The following GABRB2 variants were observed in gnomAD, a reference collection of about 807,000 sequenced individuals.
GABRB2 encodes the protein gamma-aminobutyric acid type A receptor subunit beta2, also known as gamma-aminobutyric acid receptor subunit beta-2.
In GABRB2, 16 loss-of-function variants were observed where a neutral mutation model predicts 54.7. That is an observed-to-expected ratio of 0.29 (90% CI 0.20 to 0.44). The LOEUF is 0.44. Among genes scored for constraint, GABRB2 ranks in the 20% least tolerant of loss-of-function variants. GABRB2 has a pLI of 1.00. For missense variants in GABRB2, 355 were observed against 644.0 expected (o/e 0.55, Z 4.86); for synonymous variants, 244 against 233.8 (o/e 1.04, Z -0.40).
intron 9 of GABRB2, among the ~76,000 whole-genome samples, chr5:161,322,702 T>C (rs1484837275): frequency 2.0e-5 from 3 of 152,216 alleles, no homozygotes; most frequent in South Asian, 2.1e-4. Context: ...AAAAGATTTT[T>C]ATCCATACAA....
At chr5:161,337,413 C>A (rs1221197258) in intron 5 of GABRB2, among the ~76,000 whole-genome samples, 1 of 152,062 alleles carries the variant, frequency 6.6e-6, no homozygotes, top group African/African-American at 2.4e-5. Context: ...CAGAAAAACT[C>A]AAAACAACAT....
At chr5:161,441,353 AT>A (rs1757460458) in intron 4 of GABRB2, among the ~76,000 whole-genome samples, 1 of 152,226 alleles carries the variant, frequency 6.6e-6, no homozygotes, top group Non-Finnish European at 1.5e-5. Context: ...ATATAAAAAG[AT>A]TCTCAACATC....
intron 3 of GABRB2, among the ~76,000 whole-genome samples, chr5:161,470,554 T>C (rs762940097): frequency 2.2e-4 from 34 of 151,946 alleles, no homozygotes; most frequent in African/African-American, 8.0e-4. Context: ...AATGTGATAC[T>C]GTGATAGCTG....
intron 3 of GABRB2, among the ~76,000 whole-genome samples, chr5:161,526,413 A>C (rs1760282389): frequency 6.6e-6 from 1 of 151,458 alleles, no homozygotes; most frequent in Non-Finnish European, 1.5e-5. Context: ...ACTATCACAC[A>C]CATTGTGTCA....
intron 5 of GABRB2, among the ~76,000 whole-genome samples, chr5:161,345,674 T>C (rs1353051145): frequency 6.6e-6 from 1 of 152,082 alleles, no homozygotes; most frequent in Non-Finnish European, 1.5e-5. Flanking sequence ...TAAGGTGGAA[T>C]TGTTCTCTCT....
At chr5:161,382,350 G>A (rs769564927) in intron 5 of GABRB2, among the ~76,000 whole-genome samples, 1 of 152,124 alleles carries the variant, frequency 6.6e-6, no homozygotes, top group Admixed American at 6.6e-5. Flanking sequence ...TCAGACTGAG[G>A]GGGTACAGAA....
At chr5:161,321,578 C>T (rs532455366) in intron 9 of GABRB2, among the ~76,000 whole-genome samples, 1 of 152,242 alleles carries the variant, frequency 6.6e-6, no homozygotes, top group South Asian at 2.1e-4. Context: ...CTCACAGAAG[C>T]TATTCCTTAA....
At chr5:161,403,599 G>A (rs764793066) in intron 5 of GABRB2, among the ~76,000 whole-genome samples, 8 of 152,074 alleles carry the variant, frequency 5.3e-5, no homozygotes, top group Admixed American at 2.0e-4. Context: ...AGCACACATC[G>A]TCACAAAAAG....
chr5:161,474,597 C>T (rs569469933), intron 3 of GABRB2, among the ~76,000 whole-genome samples: 36 of 152,036 alleles, frequency 2.4e-4, no homozygotes, highest in Admixed American at 8.5e-4. Context: ...AGAAGAAACA[C>T]ATTTTCAGAA....
chr5:161,461,220 G>C (rs530748741), intron 3 of GABRB2, among the ~76,000 whole-genome samples: 2 of 152,244 alleles, frequency 1.3e-5, no homozygotes, highest in African/African-American at 4.8e-5. Flanking sequence ...CAGAAAAGGC[G>C]ACATGTACAC....
chr5:161,497,074 T>C (rs1759273115), intron 3 of GABRB2, among the ~76,000 whole-genome samples: 1 of 152,164 alleles, frequency 6.6e-6, no homozygotes, highest in South Asian at 2.1e-4. Context: ...AGAAGTTTTG[T>C]ATTTTAGGTA....
chr5:161,474,458 A>G lies in GABRB2; in HGVS notation c.238-14614T>C, dbSNP rs1344059549. On this transcript the variant is annotated intron_variant, in intron 3 of 9. Transcript: ENST00000393959. Reference sequence around the variant, plus strand: ...TGAACTAGAGAATTTTCTTTGTTACATTTTAATTTAAGAAAAATATCATAA... The same window carrying G: ...TGAACTAGAGAATTTTCTTTGTTACGTTTTAATTTAAGAAAAATATCATAA... Among the ~76,000 whole-genome samples, 3 of 151,936 alleles carry G rather than the reference A, an allele frequency of 2.0e-5. No individual in the cohort carries two copies. In the East Asian group the frequency reaches 5.8e-4, roughly 30 times the overall value.
intron 9 of GABRB2, among the ~76,000 whole-genome samples, chr5:161,316,542 T>A (rs541016498): frequency 6.6e-6 from 1 of 152,114 alleles, no homozygotes; most frequent in East Asian, 1.9e-4. Context: ...TTTACTTCTT[T>A]CCCCTTTTTC....
chr5:161,519,711 C>T (rs984650215), intron 3 of GABRB2, among the ~76,000 whole-genome samples: 11 of 152,204 alleles, frequency 7.2e-5, no homozygotes, highest in Admixed American at 6.5e-4. Flanking sequence ...AAATCTTTCA[C>T]ATTTTTGTAG....
At chr5:161,326,105 G>A (rs1341951882) in intron 9 of GABRB2, among the ~76,000 whole-genome samples, 1 of 151,928 alleles carries the variant, frequency 6.6e-6, no homozygotes, top group Admixed American at 6.6e-5. Context: ...CTCAAAATAC[G>A]ATCCATTTAA....
chr5:161,379,670 T>A (rs910372170), intron 5 of GABRB2, among the ~76,000 whole-genome samples: 3 of 152,130 alleles, frequency 2.0e-5, no homozygotes, highest in Non-Finnish European at 4.4e-5. Flanking sequence ...AATTCTAGCA[T>A]CCATTAAAAT....
At chr5:161,369,242 G>T (rs1449406802) in intron 5 of GABRB2, among the ~76,000 whole-genome samples, 2 of 152,146 alleles carry the variant, frequency 1.3e-5, no homozygotes, top group East Asian at 1.9e-4. Flanking sequence ...TAGATTTCCT[G>T]CAGGGAAACT....
At chr5:161,384,241 C>T (rs1372958483) in intron 5 of GABRB2, among the ~76,000 whole-genome samples, 1 of 152,146 alleles carries the variant, frequency 6.6e-6, no homozygotes, top group Non-Finnish European at 1.5e-5. Flanking sequence ...GCAAAGGCCA[C>T]TGCAAAACTA....
chr5:161,400,016 G>C (rs1431490603), intron 5 of GABRB2, among the ~76,000 whole-genome samples: 3 of 152,140 alleles, frequency 2.0e-5, no homozygotes, highest in Non-Finnish European at 4.4e-5. Context: ...CTATCATGAA[G>C]AAAGAGGTAC....
Sources: allele counts gnomAD v4.1 joint callset (sites outside exome capture counted in the v4.1 genomes callset), GRCh38; gene constraint gnomAD v4.1.1; transcripts MANE v1.5; gene names NCBI Gene and HGNC (gene_info 2026-07-23, HGNC 2026-07-21).